ARHGEF10: variants seen among roughly 807,000 people sequenced by gnomAD.
The protein encoded by ARHGEF10 is Rho guanine nucleotide exchange factor (GEF) 10.
In ARHGEF10, 140 loss-of-function variants were observed where a neutral mutation model predicts 147.4. The ratio of observed to expected loss-of-function variants is 0.95; its 90% CI spans 0.83 to 1.09. The LOEUF (loss-of-function observed/expected upper bound fraction) is 1.09. ARHGEF10 is among the 50% of genes least tolerant of loss of function. The probability of loss-of-function intolerance (pLI) is 0.00; values close to 1 mark genes in which losing one functional copy is unlikely to be tolerated. For synonymous variants in ARHGEF10, 902 were observed against 695.8 expected (o/e 1.30, Z -4.67); for missense variants, 2,222 against 1,752.7 (o/e 1.27, Z -4.78).
At chr8:1,876,371 C>G (rs1012600666) in intron 7 of ARHGEF10, 200 bp from the exon 8 acceptor site, 1 of 622,702 alleles carries the variant, frequency 1.6e-6, no homozygotes, top group African/African-American at 1.8e-5. Flanking sequence ...TTTCCCCAGC[C>G]TCCCCGGCCC....
intron 16 of ARHGEF10, among the ~76,000 whole-genome samples, chr8:1,904,662 T>C (rs1169283356): frequency 3.9e-5 from 6 of 152,152 alleles, no homozygotes; most frequent in Non-Finnish European, 2.9e-5. Context: ...TGCTTCGCAC[T>C]GAATGTCACC....
At chr8:1,913,735 C>T (rs1811548645) in intron 18 of ARHGEF10, among the ~76,000 whole-genome samples, 1 of 152,228 alleles carries the variant, frequency 6.6e-6, no homozygotes, top group East Asian at 1.9e-4. Flanking sequence ...TCAGACCGCC[C>T]TGCTCTGGCC....
intron 16 of ARHGEF10, 168 bp downstream of exon 16, chr8:1,903,619 G>A (rs1585474167): frequency 1.3e-6 from 1 of 767,410 alleles, no homozygotes. Flanking sequence ...CACCAATGTG[G>A]AAATTGTATG....
At chr8:1,886,640 A>G (rs1808682088) in intron 11 of ARHGEF10, among the ~76,000 whole-genome samples, 1 of 152,162 alleles carries the variant, frequency 6.6e-6, no homozygotes, top group African/African-American at 2.4e-5. Flanking sequence ...GAGCTTGGAG[A>G]CAGTTGTTGA....
At chr8:1,934,302 C>G (rs1346360535) in intron 26 of ARHGEF10, among the ~76,000 whole-genome samples, 1 of 132,946 alleles carries the variant, frequency 7.5e-6, no homozygotes, top group Non-Finnish European at 1.5e-5. Context: ...TTCATTGAGC[C>G]AAGATCTCGC....
chr8:1,893,295 G>A (rs1441464438), intron 11 of ARHGEF10, among the ~76,000 whole-genome samples: 4 of 152,028 alleles, frequency 2.6e-5, no homozygotes, highest in Non-Finnish European at 4.4e-5. Flanking sequence ...GTATATTATC[G>A]TTGCATAAAT....
At chr8:1,895,762 A>G (rs530324072) in intron 13 of ARHGEF10, among the ~76,000 whole-genome samples, 1 of 152,344 alleles carries the variant, frequency 6.6e-6, no homozygotes, top group Admixed American at 6.5e-5. Context: ...TTAGAATAAC[A>G]TGGAGTGATT....
rs1200147539 is a variant in ARHGEF10, at chr8:1,957,519, T to A, written c.*256T>A. ...CAATTTTCGAGTAATTGAGTGCAGT[T>A]CTGGGAAAATACCACATTCTTTTTG... On this transcript the variant is annotated 3_prime_UTR_variant, in exon 29 of 29. Coordinates refer to ENST00000349830, the MANE Select transcript of ARHGEF10 (RefSeq NM_014629.4). 1.7e-6 allele frequency: 1 copy of A among 587,540 alleles called. No homozygotes were observed. The highest frequency in any genetic ancestry group is 3.0e-6 in the Non-Finnish European group (1 of 333,436). The allele number at this position is 587,540 out of a possible 1,614,324, so 36.4% of individuals were successfully genotyped here.
At chr8:1,943,460 G>A (rs1814273958) in intron 26 of ARHGEF10, 2 of 152,232 alleles carry the variant, frequency 1.3e-5, no homozygotes, top group South Asian at 4.1e-4. Context: ...GTCAGAGGGA[G>A]GAGGGATCAA....
intron 2 of ARHGEF10, among the ~76,000 whole-genome samples, chr8:1,851,343 C>T (rs112920255): frequency 6.6e-6 from 1 of 151,184 alleles, no homozygotes; most frequent in African/African-American, 2.4e-5. Context: ...CTCACGCACA[C>T]CGTGGGCTTT....
chr8:1,873,306 C>T (rs2129101426), intron 7 of ARHGEF10, among the ~76,000 whole-genome samples: 1 of 152,346 alleles, frequency 6.6e-6, no homozygotes, highest in African/African-American at 2.4e-5. Flanking sequence ...CCACCCACAG[C>T]ACGGCAGCAG....
chr8:1,945,408 GC>G (rs1814484270), intron 26 of ARHGEF10, 72 bp from the exon 27 acceptor site: 1 of 1,531,760 alleles, frequency 6.5e-7, no homozygotes. Flanking sequence ...CCAGCTGGAC[GC>G]CACGTGGACC....
At chr8:1,942,038 C>T (rs1197549752) in intron 26 of ARHGEF10, among the ~76,000 whole-genome samples, 1 of 152,014 alleles carries the variant, frequency 6.6e-6, no homozygotes, top group East Asian at 1.9e-4. Flanking sequence ...GGGGTAAATC[C>T]TCATGATTTT....
At chr8:1,841,641 G>A (rs538681449) in intron 1 of ARHGEF10, among the ~76,000 whole-genome samples, 1 of 152,048 alleles carries the variant, frequency 6.6e-6, no homozygotes, top group South Asian at 2.1e-4. Flanking sequence ...TCATCTCTCG[G>A]GGCCTGATGA....
intron 1 of ARHGEF10, among the ~76,000 whole-genome samples, chr8:1,842,036 G>C (rs1009601662): frequency 2.4e-3 from 269 of 113,262 alleles, no homozygotes; most frequent in Non-Finnish European, 3.5e-3. Context: ...GGGCCGCGGC[G>C]GGAACTGGGG....
chr8:1,893,464 A>G (rs1809713398), intron 11 of ARHGEF10, 105 bp from the exon 12 acceptor site: 4 of 796,050 alleles, frequency 5.0e-6, no homozygotes, highest in Non-Finnish European at 2.2e-6. Flanking sequence ...ACTGTTTTCT[A>G]AAAATAGAAA....
intron 8 of ARHGEF10, among the ~76,000 whole-genome samples, chr8:1,878,230 C>T (rs975222090): frequency 6.6e-6 from 1 of 151,934 alleles, no homozygotes; most frequent in Non-Finnish European, 1.5e-5. Flanking sequence ...TTGCCTGTCG[C>T]TCAGGCTGAA....
chr8:1,932,683 C>G (rs1041734614), intron 25 of ARHGEF10, among the ~76,000 whole-genome samples: 1 of 152,198 alleles, frequency 6.6e-6, no homozygotes, highest in East Asian at 1.9e-4. Flanking sequence ...AAAAGCATTT[C>G]CATTAACGTT....
At chr8:1,907,636 A>C (rs1024511966) in intron 17 of ARHGEF10, among the ~76,000 whole-genome samples, 2 of 152,198 alleles carry the variant, frequency 1.3e-5, no homozygotes, top group Non-Finnish European at 2.9e-5. Context: ...GGTGTACTTT[A>C]AAGATGAATT....
Sources: gnomAD v4.1 joint callset for allele counts (sites outside exome capture counted in the v4.1 genomes callset) on GRCh38, gnomAD v4.1.1 for gene constraint, MANE v1.5 for transcripts, NCBI Gene and HGNC (gene_info 2026-07-23, HGNC 2026-07-21) for gene names.